The following LOC730098 variants were observed in gnomAD, a reference collection of about 807,000 sequenced individuals.
the LOC730098 span, chr9:34,665,106 C>T: frequency 1.7e-6 from 1 of 601,274 alleles, no homozygotes; most frequent in East Asian, 2.8e-5. Flanking sequence ...GACCCGAGCG[C>T]TGGGGAGTAG....
At chr9:34,665,540 C>A in the LOC730098 span, 1 of 694,992 alleles carries the variant, frequency 1.4e-6, no homozygotes. Context: ...CCACCCCTCG[C>A]CCCCGCAGAA....
At chr9:34,665,595 G>A in the LOC730098 span, 1 of 668,440 alleles carries the variant, frequency 1.5e-6, no homozygotes, top group Non-Finnish European at 2.7e-6. Flanking sequence ...CTCCTCCGCA[G>A]AACCCGCCTC....
At chr9:34,665,295 G>C in the LOC730098 span, 4 of 702,198 alleles carry the variant, frequency 5.7e-6, no homozygotes, top group African/African-American at 1.7e-5. Flanking sequence ...GCGGGTCCGC[G>C]GTATCGCAGC....
At chr9:34,664,818 G>T in the LOC730098 span, 14 of 407,474 alleles carry the variant, frequency 3.4e-5, no homozygotes, top group Non-Finnish European at 4.3e-6. Flanking sequence ...TCATATAGGC[G>T]ACTCACAGTA....
the LOC730098 span, chr9:34,666,000 TC>T: frequency 5.1e-6 from 2 of 391,132 alleles, no homozygotes; most frequent in Non-Finnish European, 4.7e-6. Context: ...CTGAGAGGGG[TC>T]AGCGCAGCCT....
At chr9:34,666,015 C>A in the LOC730098 span, 1 of 338,778 alleles carries the variant, frequency 3.0e-6, no homozygotes, top group Non-Finnish European at 5.5e-6. Context: ...GCAGCCTAAA[C>A]TCCCGCCCTC....
chr9:34,665,859 T>G, the LOC730098 span: 2 of 590,248 alleles, frequency 3.4e-6, no homozygotes, highest in Middle Eastern at 9.0e-4. Context: ...AGTTAAGGGG[T>G]GAGGAGGCCG....
At chr9:34,665,499 C>G in the LOC730098 span, 1 of 697,400 alleles carries the variant, frequency 1.4e-6, no homozygotes, top group East Asian at 2.7e-5. Context: ...CGGCTCCCTT[C>G]GCGCCCACGC....
chr9:34,665,342 A>C, the LOC730098 span: 1 of 545,492 alleles, frequency 1.8e-6, no homozygotes, highest in Non-Finnish European at 3.5e-6. Context: ...ATGCGAAGCC[A>C]GGGGAAAAAG....
At chr9:34,665,930 C>T in the LOC730098 span, 1 of 542,372 alleles carries the variant, frequency 1.8e-6, no homozygotes, top group Admixed American at 3.4e-5. Context: ...GGTCATGGGG[C>T]TGGGAGATTT....
the LOC730098 span, chr9:34,664,851 G>A: frequency 1.4e-5 from 6 of 417,340 alleles, no homozygotes; most frequent in Non-Finnish European, 1.7e-5. Context: ...GGTTGGGATT[G>A]GGGGAGACAG....
the LOC730098 span, chr9:34,665,719 C>T: frequency 1.4e-5 from 10 of 700,234 alleles, 1 homozygote; most frequent in South Asian, 1.2e-4. Flanking sequence ...TTCCCTAGCC[C>T]CAGGTCCCCT....
chr9:34,665,878 C>T, the LOC730098 span: 1 of 588,208 alleles, frequency 1.7e-6, no homozygotes, highest in Non-Finnish European at 3.0e-6. Flanking sequence ...CGGTCATCTC[C>T]GGGGCCTGGG....
At chr9:34,665,982 A>AG in the LOC730098 span, 21 of 422,178 alleles carry the variant, frequency 5.0e-5, no homozygotes, top group Middle Eastern at 6.7e-4. Context: ...GGTCACCTGG[A>AG]GGGGGGGCTG....
the LOC730098 span, chr9:34,665,172 C>T: frequency 4.7e-6 from 3 of 634,442 alleles, no homozygotes; most frequent in Non-Finnish European, 8.5e-6. Flanking sequence ...CCAGCTTCTG[C>T]TCCCCGGGGT....
At chr9:34,665,420 G>A in the LOC730098 span, 2 of 699,336 alleles carry the variant, frequency 2.9e-6, no homozygotes, top group Non-Finnish European at 5.2e-6. Flanking sequence ...GGGCGGGGAG[G>A]AGCTGACCCT....
the LOC730098 span, chr9:34,665,061 G>A: frequency 3.3e-6 from 2 of 600,496 alleles, no homozygotes; most frequent in Admixed American, 6.1e-5. Context: ...TGGCTGGCTG[G>A]GCAGCGGCGG....
the LOC730098 span, chr9:34,664,790 A>C: frequency 4.0e-4 from 154 of 388,304 alleles, no homozygotes; most frequent in African/African-American, 2.9e-3. Context: ...AGTAACAGGC[A>C]GGATTATTTA....
the LOC730098 span, chr9:34,665,270 C>G: frequency 1.4e-6 from 1 of 701,834 alleles, no homozygotes; most frequent in Non-Finnish European, 2.6e-6. Context: ...AGACTGAGTC[C>G]CGTCCATGCC....
Sources: gnomAD v4.1 joint callset for allele counts on GRCh38, gnomAD v4.1.1 for gene constraint, MANE v1.5 for transcripts.